DRAM1: variants seen among roughly 807,000 people sequenced by gnomAD.
DRAM1 encodes the protein DNA damage-regulated autophagy modulator protein 1.
A neutral mutation model predicts 28.5 loss-of-function variants in DRAM1; 25 were observed. That is an observed-to-expected ratio of 0.88 (90% confidence interval 0.64 to 1.23). The LOEUF is 1.23. Ranked by LOEUF, DRAM1 falls within the 50% of genes most tolerant of loss-of-function variation. The probability of loss-of-function intolerance (pLI) is 0.00; values close to 1 mark genes in which losing one functional copy is unlikely to be tolerated. For missense variants in DRAM1, 249 were observed against 299.2 expected (o/e 0.83, Z 1.24); for synonymous variants, 113 against 114.2 (o/e 0.99, Z 0.07).
intron 1 of DRAM1, among the ~76,000 whole-genome samples, chr12:101,886,663 G>A (rs923453593): frequency 1.3e-5 from 2 of 152,158 alleles, no homozygotes; most frequent in African/African-American, 4.8e-5. Context: ...TCCCTCCTGT[G>A]AGGGCCACTC....
chr12:101,915,807 T>A (rs1329465369), intron 5 of DRAM1, among the ~76,000 whole-genome samples: 1 of 151,782 alleles, frequency 6.6e-6, no homozygotes. Flanking sequence ...TGATCTGCCC[T>A]CCTTGGCCTC....
chr12:101,899,334 C>G (rs1370087296), intron 2 of DRAM1, among the ~76,000 whole-genome samples: 1 of 152,074 alleles, frequency 6.6e-6, no homozygotes, highest in Non-Finnish European at 1.5e-5. Context: ...ACGGCTTTTG[C>G]TTCTGAATAA....
At chr12:101,891,768 G>A (rs1056036513) in intron 1 of DRAM1, among the ~76,000 whole-genome samples, 2 of 152,238 alleles carry the variant, frequency 1.3e-5, no homozygotes, top group Admixed American at 1.3e-4. Flanking sequence ...GGCAAATCAG[G>A]TGGTGGGTGG....
At chr12:101,916,385 T>C (rs1874244823) in intron 5 of DRAM1, among the ~76,000 whole-genome samples, 2 of 152,198 alleles carry the variant, frequency 1.3e-5, no homozygotes, top group South Asian at 2.1e-4. Context: ...GCGCCTGTAG[T>C]CCCAGCTACT....
chr12:101,914,857 C>T (rs995005023), intron 5 of DRAM1, among the ~76,000 whole-genome samples: 1 of 151,980 alleles, frequency 6.6e-6, no homozygotes, highest in African/African-American at 2.4e-5. Context: ...GGGTTTTTCC[C>T]ATGTTGACCA....
chr12:101,878,218 T>G (rs1865375314), intron 1 of DRAM1, among the ~76,000 whole-genome samples: 2 of 152,134 alleles, frequency 1.3e-5, no homozygotes, highest in Non-Finnish European at 2.9e-5. Context: ...AGGACGTTCT[T>G]AGGCGATATT....
chr12:101,877,883 C>T lies in DRAM1; in HGVS notation c.94C>T (p.Leu32Phe). The change falls in exon 1 of 7, where the codon CTC becomes TTC. Residue 32 changes from leucine to phenylalanine, a missense_variant. By Grantham distance (22) the Leu-to-Phe change is conservative. Around this residue, in one of 3 missense-constraint regions of DRAM1, gnomAD observed 218 missense variants for 243.1 expected, o/e 0.90. Coordinates refer to ENST00000258534, the MANE Select transcript of DRAM1 (RefSeq NM_018370.3). This position sits in a 1 kb window ranked among gnomAD's most constrained non-coding sequence, Gnocchi z 4.1. ...AFIISYVVAV[L>F]SGHVNPFLPY... ...CATTATCTCCTACGTGGTCGCCGTG[C>T]TCTCCGGGCACGTCAACCCCTTCCT... is the stretch of plus-strand genomic sequence containing the variant. 1.9e-6 allele frequency: 3 copies of T among 1,544,200 alleles called. No homozygotes were observed. The highest frequency in any genetic ancestry group is 2.7e-5 in the African/African-American group (2 of 73,158).
intron 1 of DRAM1, among the ~76,000 whole-genome samples, chr12:101,893,769 C>T (rs1229120670): frequency 7.0e-6 from 1 of 142,724 alleles, no homozygotes; most frequent in Non-Finnish European, 1.5e-5. Context: ...TTGATTAGGT[C>T]AATTTTTTTT....
chr12:101,895,186 GTTTTTTTTTTTTTTTT>G (rs574722379), intron 1 of DRAM1, among the ~76,000 whole-genome samples: 6 of 75,732 alleles, frequency 7.9e-5, no homozygotes, highest in East Asian at 6.6e-4. Context: ...AACCCTTCAG[GTTTTTTTTTTTTTTTT>G]TTTTTTTTTT....
chr12:101,912,080 T>C (rs1874060562), intron 4 of DRAM1, among the ~76,000 whole-genome samples: 1 of 152,090 alleles, frequency 6.6e-6, no homozygotes. Context: ...GCACCTGTAA[T>C]CCCAGCTGCT....
chr12:101,890,153 A>G, intron 1 of DRAM1: 1 of 423,002 alleles, frequency 2.4e-6, no homozygotes, highest in Non-Finnish European at 4.7e-6. Context: ...ATCTTGGCTC[A>G]CTGTAACCTC....
chr12:101,893,771 ATT>A (rs57069274), intron 1 of DRAM1, among the ~76,000 whole-genome samples: 7 of 142,422 alleles, frequency 4.9e-5, no homozygotes, highest in Admixed American at 7.1e-5. Context: ...GATTAGGTCA[ATT>A]TTTTTTTTTT....
chr12:101,895,422 C>T (rs993554945), intron 1 of DRAM1, among the ~76,000 whole-genome samples: 3 of 150,146 alleles, frequency 2.0e-5, no homozygotes, highest in African/African-American at 7.4e-5. Flanking sequence ...AAGTGATCTT[C>T]CCGCCTCGGC....
intron 1 of DRAM1, among the ~76,000 whole-genome samples, chr12:101,887,107 T>C (rs1359947499): frequency 6.9e-6 from 1 of 144,038 alleles, no homozygotes; most frequent in African/African-American, 2.6e-5. Flanking sequence ...ATTGTGCCAT[T>C]GCACTCCAGC....
chr12:101,902,742 TCTTAA>T (rs2121104925), intron 3 of DRAM1, among the ~76,000 whole-genome samples: 1 of 152,306 alleles, frequency 6.6e-6, no homozygotes, highest in South Asian at 2.1e-4. Flanking sequence ...AGAAATAGAA[TCTTAA>T]CTTCCCAAGG....
Position 101,895,186 on chromosome 12 carries a change from G to GTTTGTTTTTT in DRAM1, c.132-2674_132-2673insGTTTTTTTTT, listed in dbSNP as rs1372490429. ...TAATGCTAAATTCGAAACCCTTCAGGTTTTTTTTTTTTTTTTTTTTTTTTT... is the reference window on the plus strand; with the variant it reads ...TAATGCTAAATTCGAAACCCTTCAGGTTTGTTTTTTTTTTTTTTTTTTTTTTTTTTTTTTT... On this transcript the variant is annotated intron_variant, in intron 1 of 6. Coordinates refer to ENST00000258534, the MANE Select transcript of DRAM1 (RefSeq NM_018370.3). Among the ~76,000 whole-genome samples the GTTTGTTTTTT allele has an allele frequency of 6.5e-4, 49 of 75,734 alleles. 3 individuals are homozygous for GTTTGTTTTTT. The highest frequency in any genetic ancestry group is 2.7e-3 in the African/African-American group (48 of 18,082). 49.7% of individuals were successfully genotyped at this position (75,734 alleles called of 152,430 possible).
chr12:101,900,599 A>G (rs999173224), intron 2 of DRAM1, among the ~76,000 whole-genome samples: 1 of 152,238 alleles, frequency 6.6e-6, no homozygotes, highest in Non-Finnish European at 1.5e-5. Context: ...AATCTTGCTA[A>G]TGATCAGAGA....
At chr12:101,907,751 C>A (rs1873877742) in intron 3 of DRAM1, among the ~76,000 whole-genome samples, 3 of 151,978 alleles carry the variant, frequency 2.0e-5, no homozygotes, top group Non-Finnish European at 4.4e-5. Context: ...AAAACAACAA[C>A]AACAAAAAAA....
At chr12:101,903,926 TACACAC>T (rs775764624) in intron 3 of DRAM1, among the ~76,000 whole-genome samples, 3,310 of 135,972 alleles carry the variant, frequency 0.024, 41 homozygotes, top group African/African-American at 0.038. Flanking sequence ...CACACACACA[TACACAC>T]ACACACACAC....
Sources: gnomAD v4.1 joint callset for allele counts (sites outside exome capture counted in the v4.1 genomes callset) on GRCh38, gnomAD v4.1.1 for gene constraint, gnomAD v4.1.1 regional missense constraint, Gnocchi (gnomAD v3.1) non-coding constraint, MANE v1.5 for transcripts, NCBI Gene and HGNC (gene_info 2026-07-23, HGNC 2026-07-21) for gene names.